GNL3L: variants seen among roughly 807,000 people sequenced by gnomAD.
The protein encoded by GNL3L is G protein nucleolar 3 like, also known as guanine nucleotide-binding protein-like 3-like protein.
GNL3L carries 4 observed loss-of-function variants against 42.9 expected under a neutral mutation model. The ratio of observed to expected loss-of-function variants is 0.09; its 90% CI spans 0.05 to 0.21. GNL3L has a LOEUF of 0.21. Ranked by LOEUF, GNL3L falls within the 10% of genes least tolerant of loss-of-function variation. The pLI is 1.00. For synonymous variants in GNL3L, 159 were observed against 176.3 expected (o/e 0.90, Z 0.78); for missense variants, 412 against 481.7 (o/e 0.86, Z 1.36).
Position 54,607,064 on chromosome X carries a change from CTT to C in GNL3L, c.*46-13779_*46-13778del, listed in dbSNP as rs1472865630. Among the ~76,000 whole-genome samples the C allele has an allele frequency of 7.3e-3, 309 of 42,088 alleles. 22 individuals are homozygous for C. The highest frequency in any genetic ancestry group is 0.038 in the African/African-American group (298 of 7,883). 36.5% of individuals were successfully genotyped at this position (42,088 alleles called of 115,157 possible). On this transcript the variant is annotated intron_variant, in intron 16 of 16. Coordinates refer to the GNL3L transcript ENST00000674498. ...TCTTTCTTTCTTTCTTTCTTTCTTT[CTT>C]TCTTTCTCTTTCTTTCTTCTTTCTT...
intron 16 of GNL3L, among the ~76,000 whole-genome samples, chrX:54,583,756 C>T (rs1420598918): frequency 3.6e-5 from 4 of 110,822 alleles, no homozygotes; most frequent in African/African-American, 1.3e-4. Context: ...GATCTTCCTA[C>T]CTCAGCCTCC....
At chrX:54,628,503 C>T in the GNL3L span, among the ~76,000 whole-genome samples, 1 of 111,213 alleles carries the variant, frequency 9.0e-6, no homozygotes, top group Non-Finnish European at 1.9e-5. Flanking sequence ...CTTTTCAACA[C>T]ATCCATGCCA....
intron 16 of GNL3L, among the ~76,000 whole-genome samples, chrX:54,592,126 A>G (rs1488330320): frequency 1.8e-5 from 2 of 111,708 alleles, no homozygotes; most frequent in African/African-American, 6.5e-5. Flanking sequence ...CACTGTTGTC[A>G]TATAGAAATG....
At position 54,551,677 on chromosome X, in the gene GNL3L, G is replaced by A. The variant is rs148611493; in HGVS notation, c.973G>A (p.Val325Met). 2.3e-5 allele frequency: 28 copies of A among 1,209,706 alleles called. No homozygotes were observed. The African/African-American group carries it at 4.4e-4, about 19-fold the overall frequency. ...VGTILRNCVH[V>M]QKLADPVTPV... is the part of the protein sequence containing the mutation. ...CACCATCCTGCGTAACTGCGTCCACGTGCAGAAGCTGGCAGACCCTGTGAC... is the reference window on the plus strand; with the variant it reads ...CACCATCCTGCGTAACTGCGTCCACATGCAGAAGCTGGCAGACCCTGTGAC... Residue 325 changes from valine to methionine, a missense_variant, in exon 11 of 16, where the codon GTG (valine) becomes ATG (methionine). Coordinates refer to ENST00000360845, the MANE Select transcript of GNL3L (RefSeq NM_001184819.2).
In GNL3L at chrX:54,564,096, T is replaced by G. The variant is rs1186029353; in HGVS notation, c.*3494T>G. Among the ~76,000 whole-genome samples the G allele has an allele frequency of 9.0e-6, 1 of 110,615 alleles. No homozygotes were observed. Among genetic ancestry groups the G allele is most frequent in the East Asian group, 2.9e-4 (1 of 3,498 alleles). The stretch of plus-strand genomic sequence containing the variant: ...CCCTCAGATTCTGCTAACCACTGAT[T>G]TGTTTTCTGCCCCTATAGTTTTGCT... On this transcript the variant is annotated 3_prime_UTR_variant, in exon 16 of 16. Coordinates refer to ENST00000360845, the MANE Select transcript of GNL3L (RefSeq NM_001184819.2).
chrX:54,544,121 G>A (rs966646612), intron 7 of GNL3L, 102 bp from the exon 8 acceptor site: 1 of 481,877 alleles, frequency 2.1e-6, no homozygotes, highest in African/African-American at 2.4e-5. Context: ...CCTGTTGATG[G>A]TAGGTGGGCC....
intron 16 of GNL3L, among the ~76,000 whole-genome samples, chrX:54,582,696 C>T (rs1243884339): frequency 1.8e-5 from 2 of 112,277 alleles, no homozygotes; most frequent in African/African-American, 6.5e-5. Flanking sequence ...GATTCTCCTG[C>T]CTCAGCTTCC....
intron 2 of GNL3L, 32 bp from the exon 3 acceptor site, chrX:54,539,008 C>T (rs751001033): frequency 7.7e-6 from 7 of 906,047 alleles, no homozygotes; most frequent in Admixed American, 2.8e-5. Flanking sequence ...AGATGGATGA[C>T]GGCTCTTTTC....
At chrX:54,559,593 C>T (rs935515121) in intron 15 of GNL3L, among the ~76,000 whole-genome samples, 3 of 112,036 alleles carry the variant, frequency 2.7e-5, no homozygotes, top group Admixed American at 1.9e-4. Context: ...TTCTTCCCCT[C>T]GTTTTAATGG....
At chrX:54,638,751 A>G in the GNL3L span, among the ~76,000 whole-genome samples, 1 of 111,979 alleles carries the variant, frequency 8.9e-6, no homozygotes, top group Admixed American at 9.4e-5. Flanking sequence ...TGCCCGGCCT[A>G]TATATAGCCC....
chrX:54,616,589 C>T (rs867490177), intron 16 of GNL3L, among the ~76,000 whole-genome samples: 1 of 111,552 alleles, frequency 9.0e-6, no homozygotes, highest in Admixed American at 9.5e-5. Flanking sequence ...TTTTTCCCCC[C>T]CTGAACCTAA....
At chrX:54,580,928 G>A (rs938289127) in intron 16 of GNL3L, among the ~76,000 whole-genome samples, 5 of 110,658 alleles carry the variant, frequency 4.5e-5, no homozygotes, top group Non-Finnish European at 9.5e-5. Context: ...CTACAGGCGC[G>A]TGCCACCACA....
chrX:54,579,280 C>T (rs1050903680), intron 16 of GNL3L, among the ~76,000 whole-genome samples: 1 of 111,495 alleles, frequency 9.0e-6, no homozygotes, highest in African/African-American at 3.3e-5. Flanking sequence ...TAGAAATCTT[C>T]GCTTTACCTG....
intron 4 of GNL3L, among the ~76,000 whole-genome samples, chrX:54,540,824 A>G (rs1924590401): frequency 1.8e-5 from 2 of 110,333 alleles, no homozygotes. Context: ...CGCCCAGCTA[A>G]TTTTGTATTT....
chrX:54,609,178 C>T (rs1454207658), intron 16 of GNL3L, among the ~76,000 whole-genome samples: 2 of 111,819 alleles, frequency 1.8e-5, no homozygotes, highest in African/African-American at 6.5e-5. Flanking sequence ...CTATTCATGT[C>T]CTTATCCCAT....
rs937428168 is a variant in GNL3L at position 54,566,891 on chromosome X, C to T, written c.*6289C>T. 8.9e-6 allele frequency among the ~76,000 whole-genome samples: 1 copy of T among 111,732 alleles called. No homozygotes were observed. The highest frequency in any genetic ancestry group is 1.9e-5 in the Non-Finnish European group (1 of 53,163). ...TGGGCTCAAGCGAACCTCCCACCTC[C>T]GCCTCTTGAGTAGCTGGGACCACAG... On this transcript the variant is annotated 3_prime_UTR_variant, in exon 16 of 16. Transcript: ENST00000360845.
intron 16 of GNL3L, among the ~76,000 whole-genome samples, chrX:54,619,664 ATACT>A (rs755297008): frequency 1.4e-3 from 154 of 111,060 alleles, no homozygotes; most frequent in Non-Finnish European, 2.0e-3. Context: ...CCTGTTTTAC[ATACT>A]TCTATACCCT....
chrX:54,576,617 C>T (rs1925637724), intron 16 of GNL3L, among the ~76,000 whole-genome samples: 1 of 110,492 alleles, frequency 9.1e-6, no homozygotes, highest in South Asian at 3.9e-4. Context: ...CAGGCACCCA[C>T]CACCATGCCT....
chrX:54,613,483 T>C (rs1458079249), intron 16 of GNL3L, among the ~76,000 whole-genome samples: 1 of 110,816 alleles, frequency 9.0e-6, no homozygotes, highest in Non-Finnish European at 1.9e-5. Flanking sequence ...TGAACTAGTG[T>C]GATTTTTTGG....
Sources: allele counts gnomAD v4.1 joint callset (sites outside exome capture counted in the v4.1 genomes callset), GRCh38; gene constraint gnomAD v4.1.1; transcripts MANE v1.5; gene names NCBI Gene and HGNC (gene_info 2026-07-23, HGNC 2026-07-21).